The following WDFY2 variants were observed in gnomAD, a reference collection of about 807,000 sequenced individuals.
The protein encoded by WDFY2 is WD repeat and FYVE domain-containing protein 2.
A neutral mutation model predicts 56.4 loss-of-function variants in WDFY2; 36 were observed. The observed-to-expected ratio is 0.64, with a 90% CI of 0.49 to 0.84. The LOEUF (loss-of-function observed/expected upper bound fraction) is 0.84, where lower values mean the gene tolerates loss of function less well. WDFY2 is among the 40% of genes least tolerant of loss of function. The probability of loss-of-function intolerance (pLI) is 0.00; values close to 1 mark genes in which losing one functional copy is unlikely to be tolerated. For synonymous variants in WDFY2, 176 were observed against 183.7 expected, an observed-to-expected ratio of 0.96 and a Z score of 0.34; for missense variants, 444 against 512.2, an observed-to-expected ratio of 0.87 and a Z score of 1.29.
rs146757397 is a variant in WDFY2, at chr13:51,706,240, C to T, written c.334+2590C>T. On this transcript the variant is annotated intron_variant, in intron 4 of 11. Transcript: ENST00000298125. ...TTTTGTCATTCTTCTTAATACAATA[C>T]TAGGCTCATGGGAGATACAAATAAA... is the stretch of plus-strand genomic sequence containing the variant. Among the ~76,000 whole-genome samples the T allele has an allele frequency of 5.0e-3, 759 of 152,256 alleles. 4 individuals are homozygous for T. The highest frequency in any genetic ancestry group is 0.016 in the African/African-American group (676 of 41,560).
intron 1 of WDFY2, among the ~76,000 whole-genome samples, chr13:51,601,302 A>G (rs1954277348): frequency 2.0e-5 from 3 of 152,184 alleles, no homozygotes; most frequent in African/African-American, 7.2e-5. Context: ...TATTAATAGT[A>G]ATTAATACTA....
intron 10 of WDFY2, 44 bp from the exon 11 acceptor site, chr13:51,758,148 T>C (rs1050771719): frequency 6.8e-7 from 1 of 1,472,104 alleles, no homozygotes; most frequent in Non-Finnish European, 9.3e-7. Context: ...CTCATTCATA[T>C]GTCACCACCT....
intron 4 of WDFY2, among the ~76,000 whole-genome samples, chr13:51,717,074 T>C (rs533600940): frequency 6.6e-6 from 1 of 152,152 alleles, no homozygotes; most frequent in Non-Finnish European, 1.5e-5. Context: ...TCATCCTTAA[T>C]GGTGAGAAAA....
At chr13:51,728,397 G>A (rs1952650475) in intron 6 of WDFY2, among the ~76,000 whole-genome samples, 1 of 152,166 alleles carries the variant, frequency 6.6e-6, no homozygotes, top group Admixed American at 6.6e-5. Context: ...TGAAAGACTT[G>A]ATAGATGATA....
At chr13:51,714,282 TTTTTGTTTTG>T (rs1317599212) in intron 4 of WDFY2, among the ~76,000 whole-genome samples, 1 of 152,094 alleles carries the variant, frequency 6.6e-6, no homozygotes, top group African/African-American at 2.4e-5. Flanking sequence ...TGTTTTTGTT[TTTTTGTTTTG>T]TTTTGTTTTG....
At chr13:51,615,549 G>A (rs1954595193) in intron 1 of WDFY2, among the ~76,000 whole-genome samples, 1 of 152,166 alleles carries the variant, frequency 6.6e-6, no homozygotes, top group Non-Finnish European at 1.5e-5. Flanking sequence ...AACAAAGGCC[G>A]TTTAAACAGG....
chr13:51,630,415 T>G (rs901997907), intron 1 of WDFY2, among the ~76,000 whole-genome samples: 10 of 152,116 alleles, frequency 6.6e-5, no homozygotes, highest in African/African-American at 2.4e-4. Flanking sequence ...AAAAAATTAT[T>G]ATTTTAGTGA....
At position 51,766,528 on chromosome 13, in the gene WDFY2, C is replaced by T. The variant is rs1332650536; in HGVS notation, c.*6759C>T. On this transcript the variant is annotated 3_prime_UTR_variant, in exon 12 of 12. Transcript: ENST00000298125. The stretch of plus-strand genomic sequence containing the variant: ...TCTCCCGTGTGGTCTAGCTGGACCC[C>T]TCCGGCATTTGCCACACTCCCTGCC... The T allele has an allele frequency of 2.0e-5, 3 of 152,228 alleles. No homozygotes were observed. The highest frequency in any genetic ancestry group is 7.2e-5 in the African/African-American group (3 of 41,458). The allele number at this position is 152,228 out of a possible 1,614,324, so 9.4% of individuals were successfully genotyped here. A position where few individuals can be genotyped will look rare whatever the true frequency, so the allele number is the denominator to read the frequency against.
intron 4 of WDFY2, among the ~76,000 whole-genome samples, chr13:51,708,218 G>T (rs1231627246): frequency 6.6e-6 from 1 of 151,640 alleles, no homozygotes; most frequent in Non-Finnish European, 1.5e-5. Context: ...GAGGACCAGG[G>T]ACAGCAGCTG....
intron 7 of WDFY2, among the ~76,000 whole-genome samples, chr13:51,742,902 A>T (rs767330045): frequency 6.6e-6 from 1 of 152,232 alleles, no homozygotes; most frequent in Non-Finnish European, 1.5e-5. Context: ...ATTTTGTTGT[A>T]AGAGTCCTCA....
rs116725179 is a variant in WDFY2, at chr13:51,621,090, T to G, written c.137+36266T>G. Among the ~76,000 whole-genome samples the G allele has an allele frequency of 3.1e-3, 476 of 152,382 alleles. 3 individuals are homozygous for G. The highest frequency in any genetic ancestry group is 0.011 in the African/African-American group (454 of 41,596). On this transcript the variant is annotated intron_variant, in intron 1 of 11. Coordinates refer to ENST00000298125, the MANE Select transcript of WDFY2 (RefSeq NM_052950.4). ...TGAATAAAGCCTGAGGTAAACTTTCTGTCCTCTTCTCTCTTCCCCCTTCCT... is the reference window on the plus strand; with the variant it reads ...TGAATAAAGCCTGAGGTAAACTTTCGGTCCTCTTCTCTCTTCCCCCTTCCT...
At chr13:51,597,504 G>A (rs1432076698) in intron 1 of WDFY2, among the ~76,000 whole-genome samples, 2 of 152,182 alleles carry the variant, frequency 1.3e-5, no homozygotes, top group African/African-American at 2.4e-5. Flanking sequence ...TTCAGGACCC[G>A]ACATTGCTTA....
At chr13:51,706,473 A>T (rs750670899) in intron 4 of WDFY2, among the ~76,000 whole-genome samples, 9 of 152,354 alleles carry the variant, frequency 5.9e-5, no homozygotes, top group Non-Finnish European at 1.3e-4. Flanking sequence ...GCTGAATCTC[A>T]TAAAGGACTG....
intron 3 of WDFY2, among the ~76,000 whole-genome samples, chr13:51,682,568 C>T (rs1159501957): frequency 6.6e-6 from 1 of 152,162 alleles, no homozygotes; most frequent in Non-Finnish European, 1.5e-5. Context: ...ATCAGACTGC[C>T]TCTACCCCCC....
At chr13:51,726,959 G>A (rs1418192898) in intron 5 of WDFY2, among the ~76,000 whole-genome samples, 1 of 152,022 alleles carries the variant, frequency 6.6e-6, no homozygotes, top group Non-Finnish European at 1.5e-5. Context: ...GTGTTTTTGA[G>A]TCATAGCTTT....
chr13:51,601,826 G>A (rs1165766585), intron 1 of WDFY2, among the ~76,000 whole-genome samples: 1 of 152,204 alleles, frequency 6.6e-6, no homozygotes, highest in Non-Finnish European at 1.5e-5. Context: ...TCTGGAAGAA[G>A]ATGCAGAGGC....
At chr13:51,667,879 C>CTTTTTTTTTTTTTTTTTTTTTT (rs66771214) in intron 2 of WDFY2, among the ~76,000 whole-genome samples, 6 of 50,050 alleles carry the variant, frequency 1.2e-4, no homozygotes, top group African/African-American at 4.0e-4. Context: ...TGAGGAACTT[C>CTTTTTTTTTTTTTTTTTTTTTT]TTTTTTTTTT....
intron 1 of WDFY2, among the ~76,000 whole-genome samples, chr13:51,585,216 G>T (rs762521888): frequency 2.6e-5 from 4 of 152,262 alleles, no homozygotes; most frequent in Non-Finnish European, 5.9e-5. Flanking sequence ...AGATAACCAA[G>T]GGGTTTGGGG....
At chr13:51,668,879 C>T (rs1955759048) in intron 2 of WDFY2, among the ~76,000 whole-genome samples, 1 of 152,096 alleles carries the variant, frequency 6.6e-6, no homozygotes, top group Admixed American at 6.5e-5. Flanking sequence ...GAGCAAAGTT[C>T]AACTGGTCAG....
Sources: gnomAD v4.1 joint callset for allele counts (sites outside exome capture counted in the v4.1 genomes callset) on GRCh38, gnomAD v4.1.1 for gene constraint, MANE v1.5 for transcripts, NCBI Gene and HGNC (gene_info 2026-07-23, HGNC 2026-07-21) for gene names.